Variants in BCOR observed in about 807,000 individuals in gnomAD.
BCOR encodes the protein BCL-6 corepressor.
In BCOR, 10 loss-of-function variants were observed where a neutral mutation model predicts 86.7. That is an observed-to-expected ratio of 0.12 (90% CI 0.07 to 0.20). BCOR has a LOEUF of 0.20. BCOR is among the 10% of genes least tolerant of loss of function. The pLI, the probability that BCOR is intolerant of heterozygous loss-of-function variation, is 1.00. For missense variants in BCOR, 1,259 were observed against 1,452.1 expected, an observed-to-expected ratio of 0.87 and a Z score of 2.16; for synonymous variants, 611 against 609.0, an observed-to-expected ratio of 1.00 and a Z score of -0.05.
At chrX:40,101,517 T>C (rs1937074155), upstream of BCOR, among the ~76,000 whole-genome samples, 1 of 113,050 alleles carries the variant, frequency 8.8e-6, no homozygotes, top group Admixed American at 9.2e-5. Flanking sequence ...TGTCTCCTGA[T>C]TATAACAAAC....
intron 1 of BCOR, among the ~76,000 whole-genome samples, chrX:40,096,100 C>T (rs920389270): frequency 8.9e-6 from 1 of 112,639 alleles, no homozygotes; most frequent in Non-Finnish European, 1.9e-5. Context: ...GCGGGCCCCG[C>T]GGCGCCTCGC....
Position 40,095,146 on chromosome X carries a change from T to TC in BCOR, c.-41+2068dup, listed in dbSNP as rs762763438. Among the ~76,000 whole-genome samples, 61 of 106,795 alleles carry TC rather than the reference T, an allele frequency of 5.7e-4. No individual in the cohort carries two copies. In the South Asian group the frequency reaches 6.2e-3, roughly 11 times the overall value. 92.7% of individuals were successfully genotyped at this position (106,795 alleles called of 115,157 possible). A position where few individuals can be genotyped will look rare whatever the true frequency, so the allele number is the denominator to read the frequency against. On this transcript the variant is annotated intron_variant, in intron 1 of 14. Transcript: ENST00000378444. The stretch of plus-strand genomic sequence containing the variant: ...CTGGATGGCATATTAATCATCGCCT[T>TC]CCCCCCCCACTCCGCTCTACGCGCT...
In BCOR at chrX:40,133,627, T is replaced by C. The variant is rs1179582990; in HGVS notation, c.-41+43380A>G. Among the ~76,000 whole-genome samples, 3 of 108,029 alleles carry C rather than the reference T, an allele frequency of 2.8e-5. No individual in the cohort carries two copies. In the East Asian group the frequency reaches 8.9e-4, roughly 32 times the overall value. The allele number at this position is 108,029 out of a possible 115,157, so 93.8% of individuals were successfully genotyped here. On this transcript the variant is annotated intron_variant, in intron 1 of 14. Transcript: ENST00000342274. Reference sequence around the variant, plus strand: ...GGCGACGGCCACCACGCCCGGCTAATTTTTTTGTATTTTTAGTAGAGACGG... The same window carrying C: ...GGCGACGGCCACCACGCCCGGCTAACTTTTTTGTATTTTTAGTAGAGACGG...
chrX:40,063,093 GGGTGGCGGGC>G, intron 8 of BCOR, 22 bp from the exon 9 acceptor site: 1 of 1,072,820 alleles, frequency 9.3e-7, no homozygotes, highest in African/African-American at 1.9e-5. Context: ...GGGGGTGACG[GGGTGGCGGGC>G]GGATGGGAGA....
At chrX:40,089,657 C>T (rs781558284) in intron 1 of BCOR, among the ~76,000 whole-genome samples, 1 of 111,523 alleles carries the variant, frequency 9.0e-6, no homozygotes, top group Admixed American at 9.5e-5. Context: ...TCCTCCAGTA[C>T]CCCAGAATAG....
intron 1 of BCOR, among the ~76,000 whole-genome samples, chrX:40,138,248 G>A (rs1341721108): frequency 5.9e-4 from 66 of 111,939 alleles, no homozygotes; most frequent in Non-Finnish European, 5.6e-5. Context: ...CACCACTCCC[G>A]GCCTCAAATA....
At chrX:40,098,749 C>T (rs909748578), upstream of BCOR, among the ~76,000 whole-genome samples, 1 of 111,242 alleles carries the variant, frequency 9.0e-6, no homozygotes, top group Non-Finnish European at 1.9e-5. Context: ...TTTCCCATTT[C>T]GGTGTTAAAA....
chrX:40,158,410 GCGGGCGTTCC>G (rs933813450), intron 1 of BCOR, among the ~76,000 whole-genome samples: 1 of 112,140 alleles, frequency 8.9e-6, no homozygotes, highest in African/African-American at 3.2e-5. Flanking sequence ...GGGCTGCCGC[GCGGGCGTTCC>G]CGGGCTGCCG....
intron 1 of BCOR, among the ~76,000 whole-genome samples, chrX:40,090,856 T>C (rs992475795): frequency 2.7e-5 from 3 of 111,656 alleles, no homozygotes; most frequent in Non-Finnish European, 3.8e-5. Flanking sequence ...GGCAGAACAA[T>C]AGAAATGGAG....
At chrX:40,164,133 G>T (rs1456950390) in intron 1 of BCOR, among the ~76,000 whole-genome samples, 3 of 112,363 alleles carry the variant, frequency 2.7e-5, no homozygotes, top group Non-Finnish European at 5.6e-5. Flanking sequence ...TACCCTCAAG[G>T]CACCATACTG....
At chrX:40,084,227 C>T (rs1936246817) in intron 1 of BCOR, among the ~76,000 whole-genome samples, 1 of 112,289 alleles carries the variant, frequency 8.9e-6, no homozygotes, top group Non-Finnish European at 1.9e-5. Flanking sequence ...GTCCGCTACA[C>T]TCCCCTCCTC....
At position 40,072,291 on chromosome X, in the gene BCOR, T is replaced by C. The variant is rs765657887; in HGVS notation, c.2997+58A>G. 5 of 1,129,044 alleles carry C rather than the reference T, an allele frequency of 4.4e-6. No homozygotes were observed. The South Asian group carries it at 9.6e-5, about 22-fold the overall frequency. The allele number at this position is 1,129,044 out of a possible 1,213,427, so 93.0% of individuals were successfully genotyped here. ...CCTACCATACTCCCCCAATCCTGTT[T>C]ACACATTAAAAAACTGACAACTGGT... On this transcript the variant is annotated intron_variant, in intron 4 of 14. Coordinates refer to ENST00000378444, the MANE Select transcript of BCOR (RefSeq NM_001123385.2).
chrX:40,105,698 G>C (rs1313355283), intron 1 of BCOR, among the ~76,000 whole-genome samples: 1 of 112,532 alleles, frequency 8.9e-6, no homozygotes, highest in Non-Finnish European at 1.9e-5. Flanking sequence ...GTTGTGTGCA[G>C]AGATCGCGGA....
At chrX:40,175,138 T>A (rs1478277868) in intron 1 of BCOR, among the ~76,000 whole-genome samples, 1 of 58,554 alleles carries the variant, frequency 1.7e-5, no homozygotes, top group Admixed American at 2.5e-4. Flanking sequence ...TGTCATTTTT[T>A]CCATCGGTCG....
At chrX:40,079,984 C>T (rs749493904) in intron 1 of BCOR, among the ~76,000 whole-genome samples, 1 of 107,935 alleles carries the variant, frequency 9.3e-6, no homozygotes, top group Non-Finnish European at 1.9e-5. Flanking sequence ...TGGGACTGCA[C>T]CATGCCACCC....
chrX:40,151,422 G>T (rs1341216271), intron 1 of BCOR, among the ~76,000 whole-genome samples: 1 of 113,211 alleles, frequency 8.8e-6, no homozygotes, highest in African/African-American at 3.2e-5. Flanking sequence ...ACCTCCTGGT[G>T]TAAGACAGGG....
chrX:40,169,890 C>A (rs1455634856), intron 1 of BCOR, among the ~76,000 whole-genome samples: 2 of 111,685 alleles, frequency 1.8e-5, no homozygotes, highest in Non-Finnish European at 3.8e-5. Flanking sequence ...TGGTCCAAGG[C>A]CCCAAGGCCA....
chrX:40,172,294 T>C (rs769637790), intron 1 of BCOR, among the ~76,000 whole-genome samples: 2 of 112,482 alleles, frequency 1.8e-5, no homozygotes, highest in African/African-American at 6.4e-5. Flanking sequence ...CCCCGGGCCA[T>C]TGCGAAACAC....
chrX:40,089,704 G>A (rs1182961304), intron 1 of BCOR, among the ~76,000 whole-genome samples: 1 of 111,536 alleles, frequency 9.0e-6, no homozygotes, highest in Non-Finnish European at 1.9e-5. Flanking sequence ...TCAGGTCTCT[G>A]GGAAAAGTGC....
Sources: allele counts gnomAD v4.1 joint callset (sites outside exome capture counted in the v4.1 genomes callset), GRCh38; gene constraint gnomAD v4.1.1; transcripts MANE v1.5; gene names NCBI Gene and HGNC (gene_info 2026-07-23, HGNC 2026-07-21).